The following MECOM variants were observed in gnomAD, a reference collection of about 807,000 sequenced individuals.
MECOM encodes the protein histone-lysine N-methyltransferase MECOM.
MECOM carries 13 observed loss-of-function variants against 116.3 expected under a neutral mutation model. The ratio of observed to expected loss-of-function variants is 0.11; its 90% CI spans 0.07 to 0.18. The LOEUF is 0.18. MECOM is among the 10% of genes least tolerant of loss of function. The pLI is 1.00. For missense variants in MECOM, 1,299 were observed against 1,509.0 expected, an observed-to-expected ratio of 0.86 and a Z score of 2.31; for synonymous variants, 528 against 535.2, an observed-to-expected ratio of 0.99 and a Z score of 0.19.
intron 1 of MECOM, among the ~76,000 whole-genome samples, chr3:169,626,861 T>C (rs2109937894): frequency 6.6e-6 from 1 of 152,258 alleles, no homozygotes; most frequent in East Asian, 1.9e-4. Context: ...TGCTTCTCTT[T>C]TTCCCAAACT....
chr3:169,629,645 G>A (rs569692736), intron 1 of MECOM, among the ~76,000 whole-genome samples: 25 of 152,266 alleles, frequency 1.6e-4, no homozygotes, highest in Admixed American at 3.3e-4. Flanking sequence ...GTGCATGTAG[G>A]TAATGCCTTT....
At chr3:169,347,633 T>C (rs996390369) in intron 2 of MECOM, among the ~76,000 whole-genome samples, 1 of 152,044 alleles carries the variant, frequency 6.6e-6, no homozygotes, top group South Asian at 2.1e-4. Context: ...AGAGAAGTTA[T>C]CTACCCTTAA....
chr3:169,360,491 C>T (rs928583324), intron 2 of MECOM, among the ~76,000 whole-genome samples: 4 of 151,616 alleles, frequency 2.6e-5, no homozygotes, highest in Non-Finnish European at 5.9e-5. Context: ...TCCCAGGACT[C>T]ACTGGACAAC....
At chr3:169,206,726 T>C (rs1042953651) in intron 2 of MECOM, among the ~76,000 whole-genome samples, 21 of 144,426 alleles carry the variant, frequency 1.5e-4, no homozygotes, top group African/African-American at 5.0e-4. Context: ...CACTCCAGCA[T>C]GGGCGACAAG....
At chr3:169,627,950 G>A (rs944554976) in intron 1 of MECOM, among the ~76,000 whole-genome samples, 9 of 152,214 alleles carry the variant, frequency 5.9e-5, no homozygotes, top group Admixed American at 5.2e-4. Context: ...GACGTGGCGG[G>A]CCTCAAGCCT....
chr3:169,432,075 C>T (rs577540631), intron 1 of MECOM, among the ~76,000 whole-genome samples: 2 of 151,686 alleles, frequency 1.3e-5, no homozygotes, highest in Admixed American at 1.3e-4. Flanking sequence ...GACAACAGTT[C>T]GAGACCTAGT....
intron 1 of MECOM, among the ~76,000 whole-genome samples, chr3:169,529,964 T>C (rs1179424538): frequency 6.6e-6 from 1 of 152,148 alleles, no homozygotes; most frequent in Non-Finnish European, 1.5e-5. Flanking sequence ...AAAAAGGACA[T>C]ACATATTTTA....
chr3:169,638,455 A>G (rs1394278368), intron 1 of MECOM, among the ~76,000 whole-genome samples: 1 of 152,096 alleles, frequency 6.6e-6, no homozygotes, highest in Non-Finnish European at 1.5e-5. Context: ...GAGAAGAAGC[A>G]CCCTACCTCA....
chr3:169,115,220 A>G (rs1728771640), intron 8 of MECOM, among the ~76,000 whole-genome samples, 163 bp downstream of exon 8: 1 of 152,210 alleles, frequency 6.6e-6, no homozygotes, highest in African/African-American at 2.4e-5. Context: ...TTCAAACAGA[A>G]TGATCCAACT....
chr3:169,347,360 T>C (rs552973721), intron 2 of MECOM, among the ~76,000 whole-genome samples: 3 of 152,070 alleles, frequency 2.0e-5, no homozygotes, highest in South Asian at 2.1e-4. Flanking sequence ...AGTGAATATA[T>C]AGGTACACAT....
intron 5 of MECOM, 35 bp from the exon 6 acceptor site, chr3:169,122,762 G>A (rs749934959): frequency 5.0e-6 from 8 of 1,605,334 alleles, no homozygotes; most frequent in South Asian, 4.4e-5. Flanking sequence ...AAAGACAAAG[G>A]ATGCATTCAT....
intron 1 of MECOM, chr3:169,477,029 A>G (rs932452437): frequency 3.5e-5 from 5 of 144,574 alleles, no homozygotes; most frequent in African/African-American, 1.0e-4. Context: ...TACTCATGTT[A>G]ATAAACTCCT....
intron 1 of MECOM, among the ~76,000 whole-genome samples, chr3:169,644,645 T>C (rs1004107190): frequency 6.6e-6 from 1 of 152,190 alleles, no homozygotes; most frequent in Non-Finnish European, 1.5e-5. Context: ...TTAATCTCTC[T>C]TTTCAACAAT....
chr3:169,574,791 A>G (rs1764289841), intron 1 of MECOM, among the ~76,000 whole-genome samples: 1 of 152,246 alleles, frequency 6.6e-6, no homozygotes, highest in South Asian at 2.1e-4. Flanking sequence ...CAGCCATTGA[A>G]ACACTGCCTT....
intron 1 of MECOM, among the ~76,000 whole-genome samples, chr3:169,504,410 C>T (rs1264508558): frequency 2.0e-5 from 3 of 152,052 alleles, no homozygotes; most frequent in Admixed American, 6.5e-5. Flanking sequence ...ATGAGGTACT[C>T]ATTTTTCCTA....
At position 169,558,846 on chromosome 3, in the gene MECOM, T is replaced by C. The variant is rs184956743; in HGVS notation, c.37+104490A>G. On this transcript the variant is annotated intron_variant, in intron 1 of 16. Coordinates refer to ENST00000651503, the MANE Select transcript of MECOM (RefSeq NM_004991.4). ...TCAGAAGTATTCAACTTACCAATGC[T>C]TAAACCTTTGGGAAAAAAGCATCTA... is the stretch of plus-strand genomic sequence containing the variant. 3.3e-3 allele frequency among the ~76,000 whole-genome samples: 507 copies of C among 152,240 alleles called. 6 individuals carry two copies. The highest frequency in any genetic ancestry group is 0.012 in the African/African-American group (479 of 41,528).
intron 1 of MECOM, among the ~76,000 whole-genome samples, chr3:169,468,831 C>G (rs1748723261): frequency 6.6e-6 from 1 of 152,170 alleles, no homozygotes; most frequent in Non-Finnish European, 1.5e-5. Context: ...CATGCAAAAG[C>G]AGCCAACAAC....
intron 1 of MECOM, among the ~76,000 whole-genome samples, chr3:169,570,936 G>A (rs1026276957): frequency 6.6e-6 from 1 of 152,150 alleles, no homozygotes; most frequent in Non-Finnish European, 1.5e-5. Flanking sequence ...CACAAGACAA[G>A]GATGCCCTCT....
chr3:169,631,421 T>C lies in MECOM; in HGVS notation c.37+31915A>G, dbSNP rs562021360. On this transcript the variant is annotated intron_variant, in intron 1 of 16. Coordinates refer to ENST00000651503, the MANE Select transcript of MECOM (RefSeq NM_004991.4). ...ATTCTGTTATCTGATGAAGCTTCTG[T>C]CTTTCTGTTGACTAGAGAAAATAGC... 1.9e-4 allele frequency among the ~76,000 whole-genome samples: 29 copies of C among 152,332 alleles called. No individual in the cohort carries two copies. In the South Asian group the frequency reaches 5.4e-3, roughly 28 times the overall value.
Sources: gnomAD v4.1 joint callset for allele counts (sites outside exome capture counted in the v4.1 genomes callset) on GRCh38, gnomAD v4.1.1 for gene constraint, MANE v1.5 for transcripts, NCBI Gene and HGNC (gene_info 2026-07-23, HGNC 2026-07-21) for gene names.